The following ZNF362 variants were observed in gnomAD, a reference collection of about 807,000 sequenced individuals.
The protein encoded by ZNF362 is rotund homolog.
A neutral mutation model predicts 42.9 loss-of-function variants in ZNF362; 11 were observed. The observed-to-expected ratio is 0.26, with a 90% CI of 0.16 to 0.42. The LOEUF is 0.42. Ranked by LOEUF, ZNF362 falls within the 20% of genes least tolerant of loss-of-function variation. The pLI, the probability that ZNF362 is intolerant of heterozygous loss-of-function variation, is 1.00. For missense variants in ZNF362, 362 were observed against 576.2 expected, an observed-to-expected ratio of 0.63 and a Z score of 3.81; for synonymous variants, 255 against 257.3, an observed-to-expected ratio of 0.99 and a Z score of 0.09.
At chr1:33,240,303 G>A in the ZNF362 span, among the ~76,000 whole-genome samples, 4 of 152,188 alleles carry the variant, frequency 2.6e-5, no homozygotes, top group East Asian at 3.8e-4. Flanking sequence ...TGCAGGCAGC[G>A]AGTCGCGCTT....
the ZNF362 span, among the ~76,000 whole-genome samples, chr1:33,219,228 T>C: frequency 6.6e-6 from 1 of 152,118 alleles, no homozygotes; most frequent in African/African-American, 2.4e-5. Flanking sequence ...ATCTGTGAAA[T>C]GGGTCCAGTG....
the ZNF362 span, among the ~76,000 whole-genome samples, chr1:33,151,059 C>T: frequency 4.6e-5 from 7 of 152,058 alleles, no homozygotes; most frequent in African/African-American, 1.7e-4. Flanking sequence ...CAGCTTCAGA[C>T]TTGTAGCTTA....
chr1:33,295,474 G>A (rs1646115850), intron 8 of ZNF362, among the ~76,000 whole-genome samples, 169 bp downstream of exon 8: 1 of 152,240 alleles, frequency 6.6e-6, no homozygotes, highest in Non-Finnish European at 1.5e-5. Flanking sequence ...GAGAACCAGA[G>A]CTTTTGCTTC....
chr1:33,181,642 C>G, the ZNF362 span: 3 of 892,582 alleles, frequency 3.4e-6, no homozygotes, highest in African/African-American at 3.6e-5. The surrounding 1 kb of genome is among the most constrained non-coding windows in gnomAD (Gnocchi z 6.5). Context: ...GACGCCAGCC[C>G]GGGAGGGCAG....
chr1:33,186,304 TG>T, the ZNF362 span, among the ~76,000 whole-genome samples: 1 of 152,072 alleles, frequency 6.6e-6, no homozygotes, highest in South Asian at 2.1e-4. Context: ...TTGGTGATTT[TG>T]CTATTTAAAA....
the ZNF362 span, among the ~76,000 whole-genome samples, chr1:33,179,782 A>G: frequency 6.6e-6 from 1 of 152,176 alleles, no homozygotes; most frequent in Non-Finnish European, 1.5e-5. Context: ...TAAGTGATTT[A>G]GCTTGAAAAA....
At chr1:33,274,442 G>A (rs1645927758) in intron 2 of ZNF362, among the ~76,000 whole-genome samples, 1 of 152,222 alleles carries the variant, frequency 6.6e-6, no homozygotes, top group Admixed American at 6.5e-5. Flanking sequence ...TTCTGGGAAA[G>A]GATATGTCCC....
upstream of ZNF362, among the ~76,000 whole-genome samples, chr1:33,255,419 TG>T (rs1645780080): frequency 6.6e-6 from 1 of 152,198 alleles, no homozygotes; most frequent in Non-Finnish European, 1.5e-5. Context: ...TGATCCATCC[TG>T]GCCCAGCGGT....
chr1:33,273,953 C>A (rs969818865), intron 2 of ZNF362, among the ~76,000 whole-genome samples: 12 of 152,216 alleles, frequency 7.9e-5, no homozygotes, highest in Non-Finnish European at 1.2e-4. Flanking sequence ...GCTGGGGATA[C>A]CCAGATGAAC....
the ZNF362 span, among the ~76,000 whole-genome samples, chr1:33,198,990 CAGAA>C: frequency 1.3e-5 from 2 of 151,616 alleles, no homozygotes; most frequent in African/African-American, 4.8e-5. Context: ...AAATAAAACA[CAGAA>C]AGAAAAAAGA....
At chr1:33,138,264 A>G in the ZNF362 span, among the ~76,000 whole-genome samples, 2 of 152,210 alleles carry the variant, frequency 1.3e-5, no homozygotes, top group East Asian at 3.8e-4. Flanking sequence ...TACTAAACTG[A>G]TGCTGTAGAC....
At chr1:33,262,969 C>T (rs899483017) in intron 1 of ZNF362, among the ~76,000 whole-genome samples, 6 of 152,204 alleles carry the variant, frequency 3.9e-5, no homozygotes, top group East Asian at 1.9e-4. Flanking sequence ...AAGCGTACAC[C>T]GTGCACTCTC....
rs1247756799 is a variant in ZNF362, at chr1:33,281,406, C to T, written c.684-181C>T. Among the ~76,000 whole-genome samples the T allele has an allele frequency of 6.6e-6, 1 of 152,132 alleles. No individual in the cohort carries two copies. The highest frequency in any genetic ancestry group is 1.5e-5 in the Non-Finnish European group (1 of 68,014). On this transcript the variant is annotated intron_variant, in intron 5 of 8. Coordinates refer to ENST00000539719, the MANE Select transcript of ZNF362 (RefSeq NM_152493.3). This position sits in a 1 kb window ranked among gnomAD's most constrained non-coding sequence, Gnocchi z 4.8. ...TCCCCCAGGCAAGAGCTTCCTCCTC[C>T]AGATTTAAGGGTGCCCAGGCTGGGA...
At chr1:33,244,375 G>A in the ZNF362 span, among the ~76,000 whole-genome samples, 2 of 152,152 alleles carry the variant, frequency 1.3e-5, no homozygotes, top group African/African-American at 2.4e-5. This position sits in a 1 kb window ranked among gnomAD's most constrained non-coding sequence, Gnocchi z 4.0. Context: ...ACTAACCACC[G>A]GAATGCCCTC....
intron 6 of ZNF362, among the ~76,000 whole-genome samples, chr1:33,291,976 A>T (rs942332822): frequency 1.3e-5 from 2 of 152,184 alleles, no homozygotes; most frequent in African/African-American, 4.8e-5. Flanking sequence ...GGCTGAGACG[A>T]TGGGGTTTTC....
At chr1:33,135,468 T>G in the ZNF362 span, among the ~76,000 whole-genome samples, 1 of 152,230 alleles carries the variant, frequency 6.6e-6, no homozygotes, top group African/African-American at 2.4e-5. Context: ...AAATTCTAGC[T>G]GTCGTTAGGC....
chr1:33,218,044 C>G, the ZNF362 span, among the ~76,000 whole-genome samples: 1 of 152,180 alleles, frequency 6.6e-6, no homozygotes, highest in Non-Finnish European at 1.5e-5. Flanking sequence ...CTATTTTTCT[C>G]TATAGTCCAT....
chr1:33,159,725 G>A, the ZNF362 span: 1 of 1,611,624 alleles, frequency 6.2e-7, no homozygotes, highest in Non-Finnish European at 8.5e-7. The surrounding 1 kb of genome is among the most constrained non-coding windows in gnomAD (Gnocchi z 4.2). Flanking sequence ...AGGAAGGTGT[G>A]CCGGTCGGTT....
the ZNF362 span, among the ~76,000 whole-genome samples, chr1:33,234,133 A>G: frequency 1.3e-5 from 2 of 152,316 alleles, no homozygotes; most frequent in South Asian, 2.1e-4. Flanking sequence ...TGGATTACCC[A>G]GAATACAACC....
Sources: allele counts gnomAD v4.1 joint callset (sites outside exome capture counted in the v4.1 genomes callset), GRCh38; gene constraint gnomAD v4.1.1; non-coding constraint Gnocchi (gnomAD v3.1); transcripts MANE v1.5; gene names NCBI Gene and HGNC (gene_info 2026-07-23, HGNC 2026-07-21).